The following PLAAT2 variants were observed in gnomAD, a reference collection of about 807,000 sequenced individuals.
PLAAT2 encodes the protein HRAS like suppressor 2.
In PLAAT2, 12 loss-of-function variants were observed where a neutral mutation model predicts 12.8. The ratio of observed to expected loss-of-function variants is 0.94; its 90% CI spans 0.60 to 1.52. The LOEUF is 1.52. Ranked by LOEUF, PLAAT2 falls within the 40% of genes most tolerant of loss-of-function variation. The pLI is 0.00. For synonymous variants in PLAAT2, 79 were observed against 86.8 expected, an observed-to-expected ratio of 0.91 and a Z score of 0.50; for missense variants, 166 against 208.1, an observed-to-expected ratio of 0.80 and a Z score of 1.24.
upstream of PLAAT2, chr11:63,563,533 A>C: frequency 1.8e-6 from 1 of 562,410 alleles, no homozygotes; most frequent in Non-Finnish European, 3.2e-6. Flanking sequence ...CCTGACTAAC[A>C]CGGTGAAACC....
intron 3 of PLAAT2, among the ~76,000 whole-genome samples, chr11:63,555,355 T>A (rs2017457555): frequency 6.6e-6 from 1 of 152,188 alleles, no homozygotes; most frequent in Non-Finnish European, 1.5e-5. Context: ...TAAAAAATAA[T>A]ACACATTTTT....
chr11:63,560,029 A>C, intron 2 of PLAAT2, 56 bp downstream of exon 2: 1 of 1,184,190 alleles, frequency 8.4e-7, no homozygotes, highest in Non-Finnish European at 1.3e-6. Context: ...GTAACTGTGC[A>C]TCTCTTCACA....
At chr11:63,554,575 C>T (rs1004327984) in intron 3 of PLAAT2, among the ~76,000 whole-genome samples, 2 of 151,054 alleles carry the variant, frequency 1.3e-5, no homozygotes, top group Non-Finnish European at 2.9e-5. Flanking sequence ...TTGCAGTGAG[C>T]CAAGATCACG....
At chr11:63,558,209 G>C (rs2017484875) in intron 3 of PLAAT2, among the ~76,000 whole-genome samples, 183 bp downstream of exon 3, 1 of 152,106 alleles carries the variant, frequency 6.6e-6, no homozygotes, top group African/African-American at 2.4e-5. Context: ...TTGCCGACTT[G>C]CCTATCTCCC....
intron 3 of PLAAT2, among the ~76,000 whole-genome samples, chr11:63,554,269 A>G (rs369700625): frequency 4.6e-5 from 7 of 151,970 alleles, no homozygotes; most frequent in African/African-American, 1.7e-4. Context: ...CTGCCTGACA[A>G]CTCTAGGAGG....
chr11:63,554,607 G>A (rs1459565145), intron 3 of PLAAT2, among the ~76,000 whole-genome samples: 1 of 146,332 alleles, frequency 6.8e-6, no homozygotes, highest in African/African-American at 2.5e-5. Flanking sequence ...CAGCCTTGGT[G>A]ACAGAGTGAG....
At chr11:63,563,067 A>G (rs971138705) in intron 1 of PLAAT2, among the ~76,000 whole-genome samples, 14 of 152,334 alleles carry the variant, frequency 9.2e-5, no homozygotes, top group African/African-American at 2.9e-4. Flanking sequence ...TTGGAAAAGC[A>G]TAAACGCAAA....
At chr11:63,563,274 G>A (rs1387915729) in intron 1 of PLAAT2, 42 bp downstream of exon 1, 4 of 1,612,554 alleles carry the variant, frequency 2.5e-6, no homozygotes, top group Admixed American at 1.7e-5. Flanking sequence ...TAGGGTGGTT[G>A]TTCCTCAAAT....
chr11:63,556,125 G>A (rs961456396), intron 3 of PLAAT2, among the ~76,000 whole-genome samples: 2 of 152,174 alleles, frequency 1.3e-5, no homozygotes, highest in African/African-American at 2.4e-5. Context: ...CAAGAGTCCT[G>A]CAGCTTTCAC....
At chr11:63,558,787 G>T in intron 2 of PLAAT2, 127 bp from the exon 3 acceptor site, 1 of 1,174,802 alleles carries the variant, frequency 8.5e-7, no homozygotes, top group Non-Finnish European at 1.2e-6. Flanking sequence ...ATCCTGCCTG[G>T]CCTCAAACTT....
intron 2 of PLAAT2, 143 bp from the exon 3 acceptor site, chr11:63,558,803 C>T (rs949471236): frequency 6.0e-6 from 6 of 991,844 alleles, no homozygotes; most frequent in African/African-American, 1.6e-5. Flanking sequence ...AACTTGAAAA[C>T]AGGGAAGACC....
chr11:63,560,745 G>A (rs115346758), intron 1 of PLAAT2, among the ~76,000 whole-genome samples: 3,104 of 152,290 alleles, frequency 0.02, 121 homozygotes, highest in African/African-American at 0.07. Flanking sequence ...TCTCAGGAAC[G>A]TTAGGTAACT....
chr11:63,556,985 G>A (rs981108445), intron 3 of PLAAT2, among the ~76,000 whole-genome samples: 1 of 152,124 alleles, frequency 6.6e-6, no homozygotes, highest in Non-Finnish European at 1.5e-5. Flanking sequence ...TTTTCTGAAC[G>A]TCAAAATAAG....
chr11:63,565,033 A>G (rs1330442035), upstream of PLAAT2, among the ~76,000 whole-genome samples: 2 of 152,110 alleles, frequency 1.3e-5, no homozygotes, highest in African/African-American at 4.8e-5. Flanking sequence ...CAGGAGCTAT[A>G]GGAAAGGAGA....
At chr11:63,563,933 C>T (rs1382895530), upstream of PLAAT2, among the ~76,000 whole-genome samples, 1 of 151,980 alleles carries the variant, frequency 6.6e-6, no homozygotes, top group African/African-American at 2.4e-5. Context: ...GTGGAACAAG[C>T]AAGATCCAGT....
At chr11:63,560,296 G>T in intron 1 of PLAAT2, 103 bp from the exon 2 acceptor site, 1 of 740,876 alleles carries the variant, frequency 1.3e-6, no homozygotes, top group Non-Finnish European at 2.3e-6. Context: ...GATTCCCTGT[G>T]CTCATCACCT....
intron 2 of PLAAT2, among the ~76,000 whole-genome samples, chr11:63,559,841 A>G (rs1196390690): frequency 6.6e-6 from 1 of 152,188 alleles, no homozygotes; most frequent in East Asian, 1.9e-4. Context: ...CTCACCAAGT[A>G]CAGTGAGTTG....
In PLAAT2 at chr11:63,552,775, G is replaced by C. The variant is rs1335900889; in HGVS notation, c.*189C>G. On this transcript the variant is annotated 3_prime_UTR_variant, in exon 4 of 4. Transcript: ENST00000255695. ...ACACAAGCATTCAGTCCATAGCAGA[G>C]CCCAATTGTGTCTTTAATAGAATTC... 7.0e-6 allele frequency: 4 copies of C among 569,620 alleles called. No individual in the cohort carries two copies. Among genetic ancestry groups the C allele is most frequent in the Non-Finnish European group, 1.3e-5 (4 of 316,646 alleles). The allele number at this position is 569,620 out of a possible 1,614,324, so 35.3% of individuals were successfully genotyped here. A position where few individuals can be genotyped will look rare whatever the true frequency, so the allele number is the denominator to read the frequency against.
chr11:63,559,892 T>A (rs1038196710), intron 2 of PLAAT2, among the ~76,000 whole-genome samples, 193 bp downstream of exon 2: 1 of 152,166 alleles, frequency 6.6e-6, no homozygotes, highest in African/African-American at 2.4e-5. Context: ...TAAAGGTCAA[T>A]AGTCTCTCCA....
Sources: allele counts gnomAD v4.1 joint callset (sites outside exome capture counted in the v4.1 genomes callset), GRCh38; gene constraint gnomAD v4.1.1; transcripts MANE v1.5; gene names NCBI Gene and HGNC (gene_info 2026-07-23, HGNC 2026-07-21).